Variants in SGCD observed in about 807,000 individuals in gnomAD.
SGCD encodes delta-sarcoglycan.
In SGCD, 18 loss-of-function variants were observed where a neutral mutation model predicts 36.6. That is an observed-to-expected ratio of 0.49 (90% CI 0.34 to 0.73). SGCD has a LOEUF of 0.73. Among genes scored for constraint, SGCD ranks in the 30% least tolerant of loss-of-function variants. SGCD has a pLI of 0.01. For missense variants in SGCD, 387 were observed against 346.7 expected (o/e 1.12, Z -0.92); for synonymous variants, 133 against 130.6 (o/e 1.02, Z -0.12).
At chr5:156,478,166 C>T (rs547670104) in intron 3 of SGCD, among the ~76,000 whole-genome samples, 1 of 152,214 alleles carries the variant, frequency 6.6e-6, no homozygotes, top group Non-Finnish European at 1.5e-5. Context: ...TGCTTCATGT[C>T]AAGTCAAATT....
chr5:156,542,701 C>T lies in SGCD; in HGVS notation c.294+33999C>T, dbSNP rs118014548. The stretch of plus-strand genomic sequence containing the variant: ...GTCTTAAGGCTTATGAGCTGCACGA[C>T]CAGCATTCCTACTTATGCAGTGTGA... On this transcript the variant is annotated intron_variant, in intron 4 of 8. Coordinates refer to ENST00000337851, the MANE Select transcript of SGCD (RefSeq NM_000337.6). 3.3e-5 allele frequency among the ~76,000 whole-genome samples: 5 copies of T among 152,290 alleles called. No individual in the cohort carries two copies. The East Asian group carries it at 9.6e-4, about 29-fold the overall frequency.
the SGCD span, among the ~76,000 whole-genome samples, chr5:155,864,450 T>C: frequency 1.3e-5 from 2 of 151,880 alleles, no homozygotes; most frequent in Non-Finnish European, 2.9e-5. Flanking sequence ...GTTTAGGATA[T>C]AGGTGAAATA....
chr5:156,536,664 C>G (rs982651764), intron 4 of SGCD, among the ~76,000 whole-genome samples: 5 of 152,028 alleles, frequency 3.3e-5, no homozygotes, highest in African/African-American at 9.7e-5. Context: ...TTCTTCCTCC[C>G]ACACAAAAAT....
chr5:156,548,603 A>G (rs1758672526), intron 4 of SGCD, among the ~76,000 whole-genome samples: 1 of 152,020 alleles, frequency 6.6e-6, no homozygotes. Context: ...TCACCAAGTC[A>G]CTTTTCCTTT....
chr5:155,878,219 T>C (rs1326212925), intron 1 of SGCD, among the ~76,000 whole-genome samples: 1 of 152,164 alleles, frequency 6.6e-6, no homozygotes, highest in Non-Finnish European at 1.5e-5. Context: ...TATCTCATCC[T>C]ATAATAAGTT....
chr5:156,479,227 C>T (rs542946169), intron 3 of SGCD, among the ~76,000 whole-genome samples: 2 of 151,896 alleles, frequency 1.3e-5, no homozygotes, highest in Non-Finnish European at 1.5e-5. Context: ...TGAGTAGCTG[C>T]GACTACAGGC....
intron 7 of SGCD, among the ~76,000 whole-genome samples, chr5:156,725,158 A>G (rs1755707813): frequency 6.6e-6 from 1 of 152,210 alleles, no homozygotes. Context: ...GATGAAACAC[A>G]GTCATGGAGA....
At chr5:156,606,263 T>A (rs555011672) in intron 6 of SGCD, among the ~76,000 whole-genome samples, 1 of 152,256 alleles carries the variant, frequency 6.6e-6, no homozygotes, top group Non-Finnish European at 1.5e-5. Flanking sequence ...TTTCTACACA[T>A]GGCTAGCCAG....
Position 156,016,214 on chromosome 5 carries a change from CT to C in SGCD, c.-281-101660del, listed in dbSNP as rs537890926. 1.8e-3 allele frequency among the ~76,000 whole-genome samples: 271 copies of C among 152,196 alleles called. 2 individuals are homozygous for C. Among genetic ancestry groups the C allele is most frequent in the African/African-American group, 6.3e-3 (260 of 41,560 alleles). ...AGAAAACAAAAGCAAAACAAGCCTT[CT>C]TTTAAAAAGTTCAAGATTTCATTTC... is the stretch of plus-strand genomic sequence containing the variant. On this transcript the variant is annotated intron_variant, in intron 1 of 9. Coordinates refer to the SGCD transcript ENST00000517913.
intron 7 of SGCD, among the ~76,000 whole-genome samples, chr5:156,712,329 G>A (rs1204767358): frequency 2.0e-5 from 3 of 152,286 alleles, no homozygotes; most frequent in East Asian, 3.9e-4. Flanking sequence ...AAGGTATGCC[G>A]CAAGCTTGGC....
At chr5:156,126,595 GGAA>G (rs966655530) in intron 3 of SGCD, among the ~76,000 whole-genome samples, 66 of 152,236 alleles carry the variant, frequency 4.3e-4, no homozygotes, top group African/African-American at 1.5e-3. Flanking sequence ...CAGTTTCCAG[GGAA>G]GAAGAAGGAA....
intron 1 of SGCD, among the ~76,000 whole-genome samples, chr5:155,943,477 A>T (rs1757374950): frequency 6.6e-6 from 1 of 152,190 alleles, no homozygotes; most frequent in Non-Finnish European, 1.5e-5. Context: ...ACTGTGCTTG[A>T]TCTAGGAGAG....
intron 3 of SGCD, among the ~76,000 whole-genome samples, chr5:156,374,374 G>A (rs1000817543): frequency 1.3e-5 from 2 of 152,056 alleles, no homozygotes; most frequent in South Asian, 2.1e-4. Flanking sequence ...ATAGCATAAC[G>A]CAAAAGTAAT....
At chr5:156,150,694 G>A (rs1185680178) in intron 3 of SGCD, among the ~76,000 whole-genome samples, 1 of 151,726 alleles carries the variant, frequency 6.6e-6, no homozygotes, top group Non-Finnish European at 1.5e-5. Context: ...TCTTTAGACT[G>A]TGTTTTCTCT....
chr5:156,575,769 A>G (rs573845206), intron 4 of SGCD, among the ~76,000 whole-genome samples: 1 of 152,166 alleles, frequency 6.6e-6, no homozygotes, highest in Non-Finnish European at 1.5e-5. Context: ...AAATATGATT[A>G]AATAAATTTT....
the SGCD span, among the ~76,000 whole-genome samples, chr5:155,780,232 A>T: frequency 6.6e-6 from 1 of 152,148 alleles, no homozygotes; most frequent in Non-Finnish European, 1.5e-5. Flanking sequence ...ACAGCTTGAC[A>T]TGGCCACTTT....
At chr5:155,960,904 T>G (rs1283836138) in intron 1 of SGCD, among the ~76,000 whole-genome samples, 2 of 152,096 alleles carry the variant, frequency 1.3e-5, no homozygotes, top group Non-Finnish European at 2.9e-5. Flanking sequence ...AGGCTCCCCG[T>G]CACTACTGTA....
the SGCD span, among the ~76,000 whole-genome samples, chr5:155,830,293 T>C: frequency 6.6e-6 from 1 of 152,184 alleles, no homozygotes; most frequent in African/African-American, 2.4e-5. Flanking sequence ...AGAATACTAC[T>C]TTTTTGCAGT....
chr5:156,029,760 C>T (rs540868893), intron 1 of SGCD, among the ~76,000 whole-genome samples: 31 of 152,302 alleles, frequency 2.0e-4, no homozygotes, highest in African/African-American at 7.5e-4. Flanking sequence ...CAGATCTGTT[C>T]TCTAGGGCTC....
Sources: gnomAD v4.1 joint callset for allele counts (sites outside exome capture counted in the v4.1 genomes callset) on GRCh38, gnomAD v4.1.1 for gene constraint, MANE v1.5 for transcripts, NCBI Gene and HGNC (gene_info 2026-07-23, HGNC 2026-07-21) for gene names.